The following CSMD2 variants were observed in gnomAD, a reference collection of about 807,000 sequenced individuals.
CSMD2 encodes CUB and sushi domain-containing protein 2.
A neutral mutation model predicts 398.5 loss-of-function variants in CSMD2; 130 were observed. That is an observed-to-expected ratio of 0.33 (90% CI 0.28 to 0.38). CSMD2 has a LOEUF of 0.38. Among genes scored for constraint, CSMD2 ranks in the 10% least tolerant of loss-of-function variants. The pLI is 1.00. For synonymous variants in CSMD2, 1,828 were observed against 1,908.5 expected (o/e 0.96, Z 1.10); for missense variants, 3,829 against 4,764.9 (o/e 0.80, Z 5.78).
chr1:34,053,521 C>T (rs759174799), intron 2 of CSMD2, among the ~76,000 whole-genome samples: 2 of 152,156 alleles, frequency 1.3e-5, no homozygotes, highest in African/African-American at 2.4e-5. Flanking sequence ...GATTGCGGTG[C>T]TCTACTACCC....
intron 55 of CSMD2, among the ~76,000 whole-genome samples, chr1:33,556,884 C>T (rs1658036643): frequency 6.6e-6 from 1 of 152,152 alleles, no homozygotes; most frequent in South Asian, 2.1e-4. Context: ...TTTGCTTCTC[C>T]TTCCACCATG....
intron 12 of CSMD2, among the ~76,000 whole-genome samples, chr1:33,782,636 GAGAGGGTGC>G (rs1652928992): frequency 6.6e-6 from 1 of 152,160 alleles, no homozygotes; most frequent in African/African-American, 2.4e-5. Flanking sequence ...AAAGGGAATT[GAGAGGGTGC>G]TGAGGAGGGT....
intron 24 of CSMD2, among the ~76,000 whole-genome samples, chr1:33,695,812 T>C (rs1645403361): frequency 6.6e-6 from 1 of 152,344 alleles, no homozygotes; most frequent in South Asian, 2.1e-4. Context: ...TCTAGGCTGA[T>C]GAAGTCCACA....
intron 3 of CSMD2, among the ~76,000 whole-genome samples, chr1:34,013,086 G>A (rs1647586921): frequency 6.6e-6 from 1 of 152,250 alleles, no homozygotes; most frequent in Non-Finnish European, 1.5e-5. Flanking sequence ...AGCTGGCTGA[G>A]CGTTATGGCC....
intron 3 of CSMD2, among the ~76,000 whole-genome samples, chr1:33,979,715 T>A (rs1228515446): frequency 6.6e-6 from 1 of 152,122 alleles, no homozygotes; most frequent in East Asian, 1.9e-4. Context: ...GTGTGTACTT[T>A]TGTGAGCCTG....
chr1:34,060,454 C>T (rs1030426400), intron 2 of CSMD2, among the ~76,000 whole-genome samples: 1 of 152,038 alleles, frequency 6.6e-6, no homozygotes, highest in Admixed American at 6.5e-5. Context: ...GGAGAAAGAC[C>T]GGGAGGCGGA....
At chr1:34,037,172 G>A (rs1181158619) in intron 2 of CSMD2, among the ~76,000 whole-genome samples, 2 of 152,026 alleles carry the variant, frequency 1.3e-5, no homozygotes, top group African/African-American at 2.4e-5. Flanking sequence ...TATTGCTATT[G>A]GACAGTACGC....
Position 33,918,077 on chromosome 1 carries a change from G to T in CSMD2, c.920+17C>A, listed in dbSNP as rs767339195. 2 of 1,608,388 alleles carry T rather than the reference G, an allele frequency of 1.2e-6. No individual in the cohort carries two copies. Among genetic ancestry groups the T allele is most frequent in the South Asian group, 2.2e-5 (2 of 90,980 alleles). On this transcript the variant is annotated intron_variant, in intron 5 of 70. Transcript: ENST00000373381. ...TGCAGAGAATAGGGTAGGAAAGGAAGGTGATGTTGTGCTTACCAGAGGGAG... is the reference window on the plus strand; with the variant it reads ...TGCAGAGAATAGGGTAGGAAAGGAATGTGATGTTGTGCTTACCAGAGGGAG...
At chr1:33,523,799 TATC>T (rs1654527194) in intron 66 of CSMD2, among the ~76,000 whole-genome samples, 1 of 152,194 alleles carries the variant, frequency 6.6e-6, no homozygotes, top group Admixed American at 6.5e-5. Context: ...ACATGTCTAT[TATC>T]ATGTGTGAAA....
intron 32 of CSMD2, among the ~76,000 whole-genome samples, chr1:33,631,444 T>C (rs1442021147): frequency 6.6e-6 from 1 of 152,158 alleles, no homozygotes; most frequent in East Asian, 1.9e-4. Flanking sequence ...TATTACTTCT[T>C]GCCTAGAGGA....
In CSMD2 at chr1:33,533,013, C is replaced by T. The variant is rs561053865; in HGVS notation, c.10171+37G>A. ...CAAGTTCAGCCAGCACTTTCAGCCT[C>T]CCGCCCTGGAGAGCTTCCCCGAGCA... On this transcript the variant is annotated intron_variant, in intron 64 of 70. Coordinates refer to ENST00000373381, the MANE Select transcript of CSMD2 (RefSeq NM_001281956.2). The surrounding 1 kb of genome is among the most constrained non-coding windows in gnomAD (Gnocchi z 4.2). 10 of 1,554,704 alleles carry T rather than the reference C, an allele frequency of 6.4e-6. No individual in the cohort carries two copies. Among genetic ancestry groups the T allele is most frequent in the African/African-American group, 4.1e-5 (3 of 73,402 alleles).
At chr1:33,679,446 C>A (rs554537396) in intron 25 of CSMD2, among the ~76,000 whole-genome samples, 1 of 152,246 alleles carries the variant, frequency 6.6e-6, no homozygotes, top group South Asian at 2.1e-4. Flanking sequence ...GTGATCCACC[C>A]ACCTCGGTCT....
intron 3 of CSMD2, among the ~76,000 whole-genome samples, chr1:34,016,837 C>T (rs768290492): frequency 2.0e-5 from 3 of 152,052 alleles, no homozygotes; most frequent in African/African-American, 4.8e-5. Flanking sequence ...ATTTGCTTTA[C>T]GATAAGATTA....
intron 18 of CSMD2, 98 bp from the exon 19 acceptor site, chr1:33,724,411 A>G: frequency 6.5e-7 from 1 of 1,527,732 alleles, no homozygotes; most frequent in Non-Finnish European, 9.0e-7. Flanking sequence ...TCGAAAGCCC[A>G]ACCTTCGCTG....
intron 64 of CSMD2, among the ~76,000 whole-genome samples, chr1:33,528,556 A>G (rs1654984793): frequency 6.6e-6 from 1 of 152,244 alleles, no homozygotes; most frequent in Admixed American, 6.5e-5. Flanking sequence ...TAGGTTTCAT[A>G]AGATGAATGG....
At chr1:33,569,591 G>A in intron 51 of CSMD2, 44 bp from the exon 52 acceptor site, 5 of 1,586,302 alleles carry the variant, frequency 3.2e-6, no homozygotes, top group Non-Finnish European at 4.3e-6. Flanking sequence ...CCCAAGAGGA[G>A]GGACATGGCT....
chr1:33,902,840 T>A (rs897151896), intron 5 of CSMD2, among the ~76,000 whole-genome samples: 1 of 152,144 alleles, frequency 6.6e-6, no homozygotes, highest in Non-Finnish European at 1.5e-5. Context: ...ACCCTCTGAT[T>A]GCCTTTCCTC....
intron 5 of CSMD2, among the ~76,000 whole-genome samples, chr1:33,850,591 T>A (rs969937943): frequency 6.6e-6 from 1 of 152,120 alleles, no homozygotes; most frequent in African/African-American, 2.4e-5. Context: ...TGCTCCCTCT[T>A]AGAATCATAA....
chr1:33,889,150 T>A (rs1641812385), intron 5 of CSMD2, among the ~76,000 whole-genome samples: 1 of 152,196 alleles, frequency 6.6e-6, no homozygotes, highest in African/African-American at 2.4e-5. Flanking sequence ...AAAGACATGC[T>A]ACTGATTGAT....
Sources: gnomAD v4.1 joint callset for allele counts (sites outside exome capture counted in the v4.1 genomes callset) on GRCh38, gnomAD v4.1.1 for gene constraint, Gnocchi (gnomAD v3.1) non-coding constraint, MANE v1.5 for transcripts, NCBI Gene and HGNC (gene_info 2026-07-23, HGNC 2026-07-21) for gene names.